CHN2: variants seen among roughly 807,000 people sequenced by gnomAD.
CHN2 encodes chimerin 2, also known as beta-chimaerin.
A neutral mutation model predicts 56.3 loss-of-function variants in CHN2; 35 were observed. The ratio of observed to expected loss-of-function variants is 0.62; its 90% CI spans 0.47 to 0.82. The LOEUF is 0.82. CHN2 is among the 40% of genes least tolerant of loss of function. The pLI is 0.00. For synonymous variants in CHN2, 210 were observed against 212.8 expected, an observed-to-expected ratio of 0.99 and a Z score of 0.12; for missense variants, 491 against 580.5, an observed-to-expected ratio of 0.85 and a Z score of 1.58.
At chr7:29,343,496 G>A (rs979093732) in intron 1 of CHN2, among the ~76,000 whole-genome samples, 4 of 151,946 alleles carry the variant, frequency 2.6e-5, no homozygotes, top group African/African-American at 9.7e-5. Flanking sequence ...CACATCACTT[G>A]CCTGTGGCTT....
chr7:29,502,555 T>A (rs555567957), intron 9 of CHN2, among the ~76,000 whole-genome samples: 119 of 152,336 alleles, frequency 7.8e-4, no homozygotes, highest in African/African-American at 2.8e-3. Context: ...AGCTGGCAAC[T>A]TCTGCTACTC....
chr7:29,453,971 G>A (rs138113226), intron 6 of CHN2, among the ~76,000 whole-genome samples: 25 of 152,240 alleles, frequency 1.6e-4, no homozygotes, highest in African/African-American at 5.5e-4. Context: ...GTCACGGCCC[G>A]AAATCTCCAC....
chr7:29,383,665 A>C (rs991328247), intron 3 of CHN2, among the ~76,000 whole-genome samples: 1 of 152,228 alleles, frequency 6.6e-6, no homozygotes, highest in Non-Finnish European at 1.5e-5. Context: ...GATAAATGTC[A>C]TGGGGAAAAA....
At chr7:29,321,695 G>A (rs1481311767) in intron 1 of CHN2, among the ~76,000 whole-genome samples, 5 of 150,718 alleles carry the variant, frequency 3.3e-5, no homozygotes, top group African/African-American at 9.8e-5. Context: ...CTCAGCCTCC[G>A]GAGTAGCTGG....
intron 2 of CHN2, among the ~76,000 whole-genome samples, chr7:29,180,826 A>G (rs1419378945): frequency 6.6e-6 from 1 of 152,196 alleles, no homozygotes; most frequent in South Asian, 2.1e-4. Context: ...CAAGACTCGT[A>G]TCATCCGTAT....
intron 1 of CHN2, among the ~76,000 whole-genome samples, chr7:29,293,905 C>G (rs957217615): frequency 1.5e-4 from 18 of 120,724 alleles, no homozygotes; most frequent in East Asian, 2.5e-4. Context: ...CTCGCTGTGT[C>G]GCCCAGGCTG....
Position 29,513,180 on chromosome 7 carries a change from ATGT to A in CHN2, c.*450_*452del, listed in dbSNP as rs3834868. 656 of 156,780 alleles carry A rather than the reference ATGT, an allele frequency of 4.2e-3. 34 individuals are homozygous for A. The East Asian group carries it at 0.11, about 25-fold the overall frequency. The allele number at this position is 156,780 out of a possible 1,614,324, so 9.7% of individuals were successfully genotyped here. Reference sequence around the variant, plus strand: ...ATGTATTTTTATTTTACCCACGAGAATGTTGTTATTTTTAGCAAATAGAACTCA... The same window carrying A: ...ATGTATTTTTATTTTACCCACGAGAATGTTATTTTTAGCAAATAGAACTCA... On this transcript the variant is annotated 3_prime_UTR_variant, in exon 13 of 13. Coordinates refer to ENST00000222792, the MANE Select transcript of CHN2 (RefSeq NM_004067.4).
intron 3 of CHN2, among the ~76,000 whole-genome samples, chr7:29,369,480 G>A (rs1298823145): frequency 6.6e-6 from 1 of 152,094 alleles, no homozygotes; most frequent in East Asian, 1.9e-4. Flanking sequence ...ATATAGCAAA[G>A]AACTTGGCTA....
chr7:29,282,277 C>T (rs1791780629), intron 1 of CHN2, among the ~76,000 whole-genome samples: 1 of 152,182 alleles, frequency 6.6e-6, no homozygotes. Flanking sequence ...GTGATTGACA[C>T]ATCTCAATTT....
chr7:29,294,423 T>C (rs1349753675), intron 1 of CHN2, among the ~76,000 whole-genome samples: 1 of 152,188 alleles, frequency 6.6e-6, no homozygotes. Flanking sequence ...ATTTGGAAGG[T>C]GGCATGCCTT....
intron 1 of CHN2, among the ~76,000 whole-genome samples, chr7:29,233,851 T>TTTTTTTTTTTTTTTTTTTTTTTTTTTTG: frequency 7.8e-6 from 1 of 128,746 alleles, no homozygotes; most frequent in Admixed American, 8.3e-5. Context: ...TTTTTTTTTT[T>TTTTTTTTTTTTTTTTTTTTTTTTTTTTG]GAGATGGAGT....
intron 1 of CHN2, among the ~76,000 whole-genome samples, chr7:29,324,542 A>G (rs1173907449): frequency 6.6e-6 from 1 of 151,790 alleles, no homozygotes; most frequent in Non-Finnish European, 1.5e-5. Flanking sequence ...GACACTGTTG[A>G]CAATCTCTGC....
At chr7:29,421,996 G>T (rs1804392420) in intron 6 of CHN2, among the ~76,000 whole-genome samples, 1 of 151,872 alleles carries the variant, frequency 6.6e-6, no homozygotes. Flanking sequence ...CCGAATATGG[G>T]TATATTTTTA....
intron 1 of CHN2, among the ~76,000 whole-genome samples, chr7:29,269,786 C>A (rs1162069112): frequency 6.6e-6 from 1 of 152,222 alleles, no homozygotes; most frequent in African/African-American, 2.4e-5. Context: ...AGAAAACAGT[C>A]CCCTTCCAGG....
At chr7:29,295,477 T>A (rs1317213494) in intron 1 of CHN2, among the ~76,000 whole-genome samples, 1 of 150,884 alleles carries the variant, frequency 6.6e-6, no homozygotes, top group Non-Finnish European at 1.5e-5. Context: ...AAAAAAAAAA[T>A]CAGGGCCAGG....
At chr7:29,154,006 T>C (rs1793995946) in intron 2 of CHN2, among the ~76,000 whole-genome samples, 3 of 152,228 alleles carry the variant, frequency 2.0e-5, no homozygotes. Context: ...AGTAGGCTAT[T>C]AGTAGTTAAG....
chr7:29,506,745 A>AAAAC (rs376822834), intron 10 of CHN2, among the ~76,000 whole-genome samples: 1 of 152,212 alleles, frequency 6.6e-6, no homozygotes, highest in South Asian at 2.1e-4. Flanking sequence ...GATCAAGTTA[A>AAAAC]AAACAAACAA....
At chr7:29,481,194 G>A (rs1472095875) in intron 7 of CHN2, among the ~76,000 whole-genome samples, 1 of 152,216 alleles carries the variant, frequency 6.6e-6, no homozygotes, top group Non-Finnish European at 1.5e-5. Context: ...CCCAAAAAGT[G>A]AGCTGGCAGT....
chr7:29,174,526 A>C (rs13234236), intron 2 of CHN2, among the ~76,000 whole-genome samples: 18,018 of 152,142 alleles, frequency 0.12, 1,257 homozygotes, highest in African/African-American at 0.18. Flanking sequence ...GGTAGAGTGG[A>C]TTTGGAAGGG....
Sources: gnomAD v4.1 joint callset for allele counts (sites outside exome capture counted in the v4.1 genomes callset) on GRCh38, gnomAD v4.1.1 for gene constraint, MANE v1.5 for transcripts, NCBI Gene and HGNC (gene_info 2026-07-23, HGNC 2026-07-21) for gene names.